The following DLG1 variants were observed in gnomAD, a reference collection of about 807,000 sequenced individuals.
DLG1 encodes the protein discs large MAGUK scaffold protein 1.
DLG1 carries 42 observed loss-of-function variants against 123.4 expected under a neutral mutation model. The ratio of observed to expected loss-of-function variants is 0.34; its 90% CI spans 0.27 to 0.44. The LOEUF is 0.44. DLG1 is among the 20% of genes least tolerant of loss of function. The probability of loss-of-function intolerance (pLI) is 1.00; values close to 1 mark genes in which losing one functional copy is unlikely to be tolerated. For synonymous variants in DLG1, 317 were observed against 356.2 expected, an observed-to-expected ratio of 0.89 and a Z score of 1.24; for missense variants, 942 against 1,082.6, an observed-to-expected ratio of 0.87 and a Z score of 1.82.
chr3:197,085,468 A>G, intron 16 of DLG1, 112 bp downstream of exon 16: 1 of 1,091,858 alleles, frequency 9.2e-7, no homozygotes. Context: ...GGCTTTTTTC[A>G]ATTAGAATAA....
At chr3:197,232,737 C>T (rs1350413778) in intron 4 of DLG1, among the ~76,000 whole-genome samples, 1 of 151,488 alleles carries the variant, frequency 6.6e-6, no homozygotes, top group Non-Finnish European at 1.5e-5. Context: ...CCTAAAATTA[C>T]CATCTATCTG....
intron 5 of DLG1, among the ~76,000 whole-genome samples, chr3:197,165,137 C>T (rs1021593902): frequency 2.0e-5 from 3 of 152,110 alleles, no homozygotes; most frequent in Non-Finnish European, 4.4e-5. Flanking sequence ...ATCGCTGCTT[C>T]TTTATTCTGA....
intron 13 of DLG1, among the ~76,000 whole-genome samples, chr3:197,114,733 G>A (rs189266507): frequency 4.9e-4 from 74 of 152,042 alleles, no homozygotes; most frequent in African/African-American, 1.7e-3. Context: ...CTGTAGTCCC[G>A]GCACTTTGGG....
intron 22 of DLG1, among the ~76,000 whole-genome samples, chr3:197,064,942 G>C (rs775470524): frequency 2.6e-5 from 4 of 151,768 alleles, no homozygotes; most frequent in Non-Finnish European, 5.9e-5. Context: ...CAGTAGCTAG[G>C]ACTGTAAGGG....
intron 14 of DLG1, among the ~76,000 whole-genome samples, chr3:197,098,358 T>G (rs927122043): frequency 6.6e-6 from 1 of 152,254 alleles, no homozygotes; most frequent in African/African-American, 2.4e-5. Flanking sequence ...CACATTACTT[T>G]TTAGTGATGC....
chr3:197,141,224 A>C (rs573856358), intron 7 of DLG1, among the ~76,000 whole-genome samples: 2 of 152,332 alleles, frequency 1.3e-5, no homozygotes, highest in East Asian at 3.9e-4. Flanking sequence ...TAACTTCATG[A>C]ATTACCTGAA....
intron 4 of DLG1, among the ~76,000 whole-genome samples, chr3:197,263,391 A>G (rs886844453): frequency 6.6e-6 from 1 of 152,148 alleles, no homozygotes; most frequent in African/African-American, 2.4e-5. Flanking sequence ...TTTGTAAAAT[A>G]AAAAAACTCA....
intron 4 of DLG1, among the ~76,000 whole-genome samples, chr3:197,250,462 A>G (rs1753820062): frequency 1.3e-5 from 2 of 151,890 alleles, no homozygotes; most frequent in African/African-American, 2.4e-5. Flanking sequence ...CCAGCTACTC[A>G]GGAGGCTGAG....
At chr3:197,266,400 C>T (rs2151002752) in intron 4 of DLG1, among the ~76,000 whole-genome samples, 1 of 152,044 alleles carries the variant, frequency 6.6e-6, no homozygotes, top group South Asian at 2.1e-4. Context: ...AAAAACGAAA[C>T]TATCGAGACC....
chr3:197,055,840 G>C (rs1731304527), intron 23 of DLG1, among the ~76,000 whole-genome samples: 1 of 152,212 alleles, frequency 6.6e-6, no homozygotes, highest in Non-Finnish European at 1.5e-5. Context: ...GGAGGGGCTT[G>C]TAACAGTGGC....
chr3:197,090,417 T>C (rs1321719584), intron 15 of DLG1, among the ~76,000 whole-genome samples: 2 of 152,200 alleles, frequency 1.3e-5, no homozygotes, highest in African/African-American at 4.8e-5. Context: ...ATTTGCCTTC[T>C]CCCAAGTGTT....
At chr3:197,257,919 C>T (rs568310461) in intron 4 of DLG1, among the ~76,000 whole-genome samples, 1 of 152,310 alleles carries the variant, frequency 6.6e-6, no homozygotes, top group East Asian at 1.9e-4. Context: ...ACAATATTAA[C>T]TCCACCTCAA....
intron 4 of DLG1, among the ~76,000 whole-genome samples, chr3:197,267,260 T>TA (rs1435078787): frequency 2.0e-5 from 3 of 152,154 alleles, no homozygotes; most frequent in African/African-American, 7.2e-5. Flanking sequence ...GCCAAGAAGA[T>TA]AAAAAATTTT....
chr3:197,188,348 TC>T (rs1717321564), intron 5 of DLG1, among the ~76,000 whole-genome samples: 1 of 152,202 alleles, frequency 6.6e-6, no homozygotes, highest in African/African-American at 2.4e-5. Flanking sequence ...GAATTTAATT[TC>T]TCCCTCTTTC....
intron 24 of DLG1, among the ~76,000 whole-genome samples, chr3:197,048,779 C>T (rs1042804945): frequency 4.6e-5 from 7 of 152,234 alleles, no homozygotes; most frequent in African/African-American, 1.7e-4. Flanking sequence ...CCTCAACCTT[C>T]CAAGTAGTTG....
intron 4 of DLG1, among the ~76,000 whole-genome samples, chr3:197,263,391 A>T (rs886844453): frequency 1.4e-4 from 21 of 152,148 alleles, no homozygotes; most frequent in Non-Finnish European, 2.5e-4. Flanking sequence ...TTTGTAAAAT[A>T]AAAAAACTCA....
At chr3:197,298,695 G>T, upstream of DLG1, 1 of 397,716 alleles carries the variant, frequency 2.5e-6, no homozygotes, top group East Asian at 3.6e-5. Flanking sequence ...CTGGGAGAGG[G>T]AGAGGGAGGA....
chr3:197,154,019 A>C (rs1795182737), intron 5 of DLG1, among the ~76,000 whole-genome samples: 1 of 152,118 alleles, frequency 6.6e-6, no homozygotes, highest in Non-Finnish European at 1.5e-5. Context: ...AAAAAAAAAT[A>C]AGGCTGGGTG....
chr3:197,067,542 ACT>A (rs1740431573), intron 19 of DLG1, among the ~76,000 whole-genome samples: 1 of 142,826 alleles, frequency 7.0e-6, no homozygotes, highest in South Asian at 2.2e-4. Flanking sequence ...ATAGTTAAAA[ACT>A]CTGAGAGTTT....
Sources: allele counts gnomAD v4.1 joint callset (sites outside exome capture counted in the v4.1 genomes callset), GRCh38; gene constraint gnomAD v4.1.1; transcripts MANE v1.5; gene names NCBI Gene and HGNC (gene_info 2026-07-23, HGNC 2026-07-21).